The following TXNDC8 variants were observed in gnomAD, a reference collection of about 807,000 sequenced individuals.
TXNDC8 encodes the protein thioredoxin domain-containing protein 8.
Under a neutral mutation model 12.9 loss-of-function variants are expected in TXNDC8, and 15 were observed. The observed-to-expected ratio is 1.16, with a 90% confidence interval of 0.78 to 1.79. The LOEUF (loss-of-function observed/expected upper bound fraction) is 1.79. Among genes scored for constraint, TXNDC8 ranks in the 40% most tolerant of loss-of-function variants. The pLI, the probability that TXNDC8 is intolerant of heterozygous loss-of-function variation, is 0.00. For synonymous variants in TXNDC8, 40 were observed against 35.4 expected (o/e 1.13, Z -0.46); for missense variants, 128 against 113.2 (o/e 1.13, Z -0.59).
At chr9:110,316,599 A>G (rs192214562) in intron 3 of TXNDC8, among the ~76,000 whole-genome samples, 36 of 152,386 alleles carry the variant, frequency 2.4e-4, no homozygotes, top group Non-Finnish European at 4.1e-4. Flanking sequence ...TTCAAGAACA[A>G]GAGCCTATAA....
At chr9:110,324,936 AC>A (rs1162157611) in intron 3 of TXNDC8, among the ~76,000 whole-genome samples, 2 of 152,226 alleles carry the variant, frequency 1.3e-5, no homozygotes, top group East Asian at 3.9e-4. Context: ...ACATGGTGAA[AC>A]CCCATCTCTA....
Position 110,329,223 on chromosome 9 carries a change from G to T in TXNDC8, c.130-2983C>A. 1 of 1,611,140 alleles carries T rather than the reference G, an allele frequency of 6.2e-7. No homozygotes were observed. Among genetic ancestry groups the T allele is most frequent in the African/African-American group, 1.3e-5 (1 of 74,970 alleles). The stretch of plus-strand genomic sequence containing the variant: ...TTGAGTATGTGCACAGAAGATTTAA[G>T]ATTCTTACCGGAGAATTGTTCACAT... On this transcript the variant is annotated intron_variant, in intron 2 of 4. Transcript: ENST00000423740.
chr9:110,329,613 G>A (rs1839475075), intron 2 of TXNDC8, among the ~76,000 whole-genome samples: 1 of 152,234 alleles, frequency 6.6e-6, no homozygotes, highest in Non-Finnish European at 1.5e-5. Flanking sequence ...GGAAGGGATA[G>A]TAGAGTAGCT....
chr9:110,305,037 A>G (rs1042606192), intron 3 of TXNDC8, among the ~76,000 whole-genome samples: 5 of 151,318 alleles, frequency 3.3e-5, no homozygotes, highest in Admixed American at 6.6e-5. Context: ...AATTCCAGCT[A>G]CATGGGAGGC....
rs1476881904 is a variant in TXNDC8 at position 110,305,562 on chromosome 9, CTTTCTTTCTTTCT to C, written c.196-1043_196-1031del. ...GTATTTTCTTTTTCTTTCTTTCTTTCTTTCTTTCTTTCTTTCTTTCTTTCTTTCTTTCTTTCTT... is the reference window on the plus strand; with the variant it reads ...GTATTTTCTTTTTCTTTCTTTCTTTCTTCTTTCTTTCTTTCTTTCTTTCTT... On this transcript the variant is annotated intron_variant, in intron 3 of 4. Transcript: ENST00000423740. 2.2e-4 allele frequency among the ~76,000 whole-genome samples: 28 copies of C among 127,040 alleles called. 1 individual carries two copies. The highest frequency in any genetic ancestry group is 2.2e-4 in the Non-Finnish European group (14 of 62,656). The allele number at this position is 127,040 out of a possible 152,430, so 83.3% of individuals were successfully genotyped here.
At chr9:110,327,318 T>C (rs1349708357) in intron 2 of TXNDC8, among the ~76,000 whole-genome samples, 3 of 99,892 alleles carry the variant, frequency 3.0e-5, no homozygotes, top group Non-Finnish European at 5.9e-5. Flanking sequence ...CTAATGTTTA[T>C]ACTATATATT....
chr9:110,315,413 T>A (rs1838846391), intron 3 of TXNDC8, among the ~76,000 whole-genome samples: 1 of 152,142 alleles, frequency 6.6e-6, no homozygotes. Context: ...CAATTTTTTT[T>A]AATGCCAAAG....
At chr9:110,313,777 T>TTTG (rs768587212) in intron 3 of TXNDC8, among the ~76,000 whole-genome samples, 6 of 152,142 alleles carry the variant, frequency 3.9e-5, no homozygotes, top group Non-Finnish European at 8.8e-5. Flanking sequence ...TGTTCTTTTG[T>TTTG]TTGTTGTTGT....
intron 3 of TXNDC8, chr9:110,323,611 A>T (rs1183103767): frequency 3.3e-6 from 1 of 300,772 alleles, no homozygotes; most frequent in Non-Finnish European, 5.9e-6. Context: ...AGAACACCAG[A>T]TATGTTCATC....
chr9:110,303,518 A>G lies in TXNDC8; in HGVS notation c.*164T>C, dbSNP rs2118670996. The G allele has an allele frequency of 6.6e-7, 1 of 1,525,792 alleles. No homozygotes were observed. The allele number at this position is 1,525,792 out of a possible 1,614,324, so 94.5% of individuals were successfully genotyped here. On this transcript the variant is annotated 3_prime_UTR_variant, in exon 5 of 5. Coordinates refer to ENST00000423740, the MANE Select transcript of TXNDC8 (RefSeq NM_001286946.2). Reference sequence around the variant, plus strand: ...ACAAGTGTATTTTGCCTTGGAGATCAGCTTACATTAATTCTTGAGTCTTGG... The same window carrying G: ...ACAAGTGTATTTTGCCTTGGAGATCGGCTTACATTAATTCTTGAGTCTTGG...
chr9:110,324,811 G>C (rs1362068621), intron 3 of TXNDC8, among the ~76,000 whole-genome samples: 1 of 152,176 alleles, frequency 6.6e-6, no homozygotes, highest in Non-Finnish European at 1.5e-5. Context: ...CCCCGGCCAT[G>C]TAAGAAAGTG....
At chr9:110,328,860 T>C (rs1325701621) in intron 2 of TXNDC8, among the ~76,000 whole-genome samples, 1 of 152,164 alleles carries the variant, frequency 6.6e-6, no homozygotes, top group South Asian at 2.1e-4. Flanking sequence ...ATGAAAACCA[T>C]CTTTCACCTT....
intron 1 of TXNDC8, among the ~76,000 whole-genome samples, chr9:110,334,892 G>C (rs138354040): frequency 1.4e-3 from 183 of 126,772 alleles, no homozygotes; most frequent in East Asian, 7.2e-3. Context: ...TTGTTTTTTG[G>C]GGGGGAAGTG....
At chr9:110,327,696 C>A (rs143251523) in intron 2 of TXNDC8, among the ~76,000 whole-genome samples, 2 of 152,254 alleles carry the variant, frequency 1.3e-5, no homozygotes, top group African/African-American at 2.4e-5. Flanking sequence ...AGATTAAAGA[C>A]CACATATTCT....
Position 110,312,618 on chromosome 9 carries a change from A to C in TXNDC8, c.196-8086T>G, listed in dbSNP as rs375030166. On this transcript the variant is annotated intron_variant, in intron 3 of 4. Transcript: ENST00000423740. ...CTCAGCTTCAAAAAAGTCTTATCTG[A>C]GATTCTTTCTATGGAACGAAGTTCC... Among the ~76,000 whole-genome samples, 71 of 152,310 alleles carry C rather than the reference A, an allele frequency of 4.7e-4. No homozygotes were observed. In the Middle Eastern group the frequency reaches 0.014, roughly 29 times the overall value.
intron 4 of TXNDC8, 184 bp from the exon 6 acceptor site, chr9:110,303,767 C>T (rs1184357189): frequency 2.8e-6 from 4 of 1,450,490 alleles, no homozygotes; most frequent in Non-Finnish European, 3.7e-6. Context: ...TATTTGGCAT[C>T]CTTTCAAAAT....
chr9:110,304,079 G>T (rs1838335281), intron 4 of TXNDC8, among the ~76,000 whole-genome samples: 1 of 152,180 alleles, frequency 6.6e-6, no homozygotes, highest in Non-Finnish European at 1.5e-5. Context: ...TTTCATAGTG[G>T]ATGGTATGTT....
chr9:110,313,037 C>G (rs1254843617), intron 3 of TXNDC8, among the ~76,000 whole-genome samples: 3 of 152,096 alleles, frequency 2.0e-5, no homozygotes, highest in African/African-American at 7.2e-5. Flanking sequence ...TCCCAAGTAG[C>G]TGGGATTACA....
intron 3 of TXNDC8, among the ~76,000 whole-genome samples, chr9:110,312,653 A>C (rs1235975313): frequency 1.3e-5 from 2 of 152,232 alleles, no homozygotes; most frequent in Non-Finnish European, 2.9e-5. Flanking sequence ...CATCAAAGTC[A>C]ATTTAAAAGC....
Sources: gnomAD v4.1 joint callset for allele counts (sites outside exome capture counted in the v4.1 genomes callset) on GRCh38, gnomAD v4.1.1 for gene constraint, MANE v1.5 for transcripts, NCBI Gene and HGNC (gene_info 2026-07-23, HGNC 2026-07-21) for gene names.